The following PTPRE variants were observed in gnomAD, a reference collection of about 807,000 sequenced individuals.
The protein encoded by PTPRE is protein tyrosine phosphatase receptor type E, also known as receptor-type tyrosine-protein phosphatase epsilon.
PTPRE carries 51 observed loss-of-function variants against 102.0 expected under a neutral mutation model. The observed-to-expected ratio is 0.50, with a 90% CI of 0.40 to 0.63. The LOEUF (loss-of-function observed/expected upper bound fraction) is 0.63, where lower values mean the gene tolerates loss of function less well. Ranked by LOEUF, PTPRE falls within the 30% of genes least tolerant of loss-of-function variation. The pLI is 0.00. For synonymous variants in PTPRE, 345 were observed against 348.2 expected, an observed-to-expected ratio of 0.99 and a Z score of 0.10; for missense variants, 752 against 915.1, an observed-to-expected ratio of 0.82 and a Z score of 2.30.
chr10:127,929,397 CTG>C (rs1280980736), intron 1 of PTPRE: 2 of 152,114 alleles, frequency 1.3e-5, no homozygotes, highest in Non-Finnish European at 2.9e-5. Flanking sequence ...GTAGGTAAAA[CTG>C]ATTTATTTTT....
chr10:128,052,897 G>C (rs917932827), intron 6 of PTPRE, among the ~76,000 whole-genome samples: 1 of 152,160 alleles, frequency 6.6e-6, no homozygotes, highest in African/African-American at 2.4e-5. Flanking sequence ...CTCTCCTGCT[G>C]CCTGCCCGAC....
Position 127,944,531 on chromosome 10 carries a change from AATGG to A in PTPRE, c.-31+37233_-31+37236del, listed in dbSNP as rs1280807807. ...GGATGGATGGGTGGATGGATGGATA[AATGG>A]ATGGATGGATAAGTGGATGGATGGA... is the stretch of plus-strand genomic sequence containing the variant. On this transcript the variant is annotated intron_variant, in intron 1 of 20. Transcript: ENST00000254667. The surrounding 1 kb of genome is among the most constrained non-coding windows in gnomAD (Gnocchi z 4.2). 3.2e-5 allele frequency among the ~76,000 whole-genome samples: 1 copy of A among 31,690 alleles called. No homozygotes were observed. Among genetic ancestry groups the A allele is most frequent in the East Asian group, 5.6e-4 (1 of 1,770 alleles). 20.8% of individuals were successfully genotyped at this position (31,690 alleles called of 152,430 possible).
At chr10:128,002,153 G>T (rs866403036) in intron 2 of PTPRE, among the ~76,000 whole-genome samples, 15 of 152,318 alleles carry the variant, frequency 9.8e-5, no homozygotes, top group South Asian at 6.2e-4. Context: ...CGCCCCCGCT[G>T]ACAGCCAGAG....
Position 128,070,969 on chromosome 10 carries a change from A to G in PTPRE, c.1387+68A>G, listed in dbSNP as rs10829325. 534,518 of 1,492,604 alleles carry G rather than the reference A, an allele frequency of 0.36. 98,691 individuals are homozygous for G. The highest frequency in any genetic ancestry group is 0.51 in the Admixed American group (29,171 of 56,950). The allele number at this position is 1,492,604 out of a possible 1,614,324, so 92.5% of individuals were successfully genotyped here. On this transcript the variant is annotated intron_variant, in intron 15 of 20. Transcript: ENST00000254667. The surrounding 1 kb of genome is among the most constrained non-coding windows in gnomAD (Gnocchi z 4.8). ...CTGGTGCCGGAGGCTTTCATCCTGG[A>G]GAAGCCATTGACCGCTTACCCCTGT...
At chr10:128,061,113 T>C in intron 8 of PTPRE, 98 bp downstream of exon 8, 2 of 1,229,604 alleles carry the variant, frequency 1.6e-6, no homozygotes, top group South Asian at 2.5e-5. Flanking sequence ...GTCACAACCT[T>C]TCTGGGCAGT....
At position 128,070,558 on chromosome 10, in the gene PTPRE, G is replaced by T; in HGVS notation, c.1293+108G>T. The T allele has an allele frequency of 7.1e-7, 1 of 1,414,616 alleles. No homozygotes were observed. The highest frequency in any genetic ancestry group is 1.4e-5 in the South Asian group (1 of 70,296). 87.6% of individuals were successfully genotyped at this position (1,414,616 alleles called of 1,614,324 possible). A position where few individuals can be genotyped will look rare whatever the true frequency, so the allele number is the denominator to read the frequency against. On this transcript the variant is annotated intron_variant, in intron 14 of 20. Coordinates refer to ENST00000254667, the MANE Select transcript of PTPRE (RefSeq NM_006504.6). The surrounding 1 kb of genome is among the most constrained non-coding windows in gnomAD (Gnocchi z 4.8). ...TCTTTCAATCACTTGCCCCTTAACTGACCTCAGAAAAAGCAGGGGCAATAC... is the reference window on the plus strand; with the variant it reads ...TCTTTCAATCACTTGCCCCTTAACTTACCTCAGAAAAAGCAGGGGCAATAC...
At position 128,008,187 on chromosome 10, in the gene PTPRE, A is replaced by ATC. The variant is rs1392306929; in HGVS notation, c.-8+25895_-8+25896dup. Among the ~76,000 whole-genome samples the ATC allele has an allele frequency of 1.3e-5, 2 of 152,076 alleles. No individual in the cohort carries two copies. Among genetic ancestry groups the ATC allele is most frequent in the Non-Finnish European group, 2.9e-5 (2 of 68,004 alleles). ...GCCCAAGGGAAACAGTGCATCCACC[A>ATC]TCTCTGTCTGCAGCCCCGCTGGCTC... On this transcript the variant is annotated intron_variant, in intron 2 of 20. Coordinates refer to ENST00000254667, the MANE Select transcript of PTPRE (RefSeq NM_006504.6). The surrounding 1 kb of genome is among the most constrained non-coding windows in gnomAD (Gnocchi z 4.0).
chr10:127,930,469 T>G (rs1273610846), intron 1 of PTPRE, among the ~76,000 whole-genome samples: 2 of 152,342 alleles, frequency 1.3e-5, no homozygotes, highest in Middle Eastern at 3.4e-3. Context: ...TATGGCTGAG[T>G]AGCATTCTGT....
At chr10:127,920,303 C>T (rs1035465416) in intron 1 of PTPRE, among the ~76,000 whole-genome samples, 2 of 152,196 alleles carry the variant, frequency 1.3e-5, no homozygotes, top group East Asian at 3.9e-4. Flanking sequence ...TGGGAAGGGG[C>T]AGCCCCTTGG....
At chr10:128,054,674 C>T (rs907652865) in intron 6 of PTPRE, among the ~76,000 whole-genome samples, 4 of 151,712 alleles carry the variant, frequency 2.6e-5, no homozygotes, top group Admixed American at 6.5e-5. Context: ...GGAAAGAGGG[C>T]GGCCTACGGT....
At chr10:128,066,044 C>G (rs185583321) in intron 10 of PTPRE, 31 bp from the exon 11 acceptor site, 1 of 1,614,146 alleles carries the variant, frequency 6.2e-7, no homozygotes, top group East Asian at 2.2e-5. Context: ...ACCCACAGAT[C>G]TATTTGCTTC....
intron 1 of PTPRE, among the ~76,000 whole-genome samples, chr10:127,981,198 A>G (rs1851581381): frequency 6.6e-6 from 1 of 152,240 alleles, no homozygotes; most frequent in Admixed American, 6.5e-5. Flanking sequence ...TAAGTGAAAG[A>G]ACCCAGTCAC....
At chr10:127,930,235 C>A (rs560735548) in intron 1 of PTPRE, among the ~76,000 whole-genome samples, 1 of 152,126 alleles carries the variant, frequency 6.6e-6, no homozygotes, top group East Asian at 1.9e-4. Context: ...CATTTTACCA[C>A]CCTGCCCCCG....
At chr10:128,031,034 G>A (rs758806999) in intron 2 of PTPRE, among the ~76,000 whole-genome samples, 1 of 152,230 alleles carries the variant, frequency 6.6e-6, no homozygotes, top group Non-Finnish European at 1.5e-5. Context: ...GGGAGGAGGG[G>A]CCAAGGGCAG....
rs139154436 is a variant in PTPRE, at chr10:128,068,290, C to A, written c.1007+4C>A. On this transcript the variant is annotated splice_donor_region_variant and intron_variant, in intron 12 of 20. Coordinates refer to ENST00000254667, the MANE Select transcript of PTPRE (RefSeq NM_006504.6). ...GGCCCATCGTGGTCCACTGTAGGTACGCTGTGGGGGCCACGGGGCGGGACC... is the reference window on the plus strand; with the variant it reads ...GGCCCATCGTGGTCCACTGTAGGTAAGCTGTGGGGGCCACGGGGCGGGACC... 1.9e-5 allele frequency: 30 copies of A among 1,609,720 alleles called. No homozygotes were observed. Among genetic ancestry groups the A allele is most frequent in the Non-Finnish European group, 2.5e-5 (29 of 1,177,180 alleles).
intron 2 of PTPRE, among the ~76,000 whole-genome samples, chr10:128,010,008 C>T (rs1844849262): frequency 6.6e-6 from 1 of 152,042 alleles, no homozygotes; most frequent in Non-Finnish European, 1.5e-5. Flanking sequence ...CACAGGGGCA[C>T]GTGGTCACCC....
At chr10:128,038,244 T>C (rs1251514490) in intron 2 of PTPRE, among the ~76,000 whole-genome samples, 1 of 152,164 alleles carries the variant, frequency 6.6e-6, no homozygotes, top group Non-Finnish European at 1.5e-5. Flanking sequence ...TGGAAGTTAG[T>C]GTGGTGATTC....
chr10:127,983,776 G>A (rs914499126), intron 2 of PTPRE, among the ~76,000 whole-genome samples: 6 of 152,058 alleles, frequency 3.9e-5, no homozygotes, highest in Non-Finnish European at 8.8e-5. Flanking sequence ...GCCTTCTGCC[G>A]CTTCCAAAAT....
chr10:128,037,403 C>T (rs1049188660), intron 2 of PTPRE, among the ~76,000 whole-genome samples: 6 of 152,178 alleles, frequency 3.9e-5, no homozygotes, highest in Admixed American at 3.9e-4. Context: ...AATCATTGCT[C>T]CCTCACCTTT....
Sources: gnomAD v4.1 joint callset for allele counts (sites outside exome capture counted in the v4.1 genomes callset) on GRCh38, gnomAD v4.1.1 for gene constraint, Gnocchi (gnomAD v3.1) non-coding constraint, MANE v1.5 for transcripts, NCBI Gene and HGNC (gene_info 2026-07-23, HGNC 2026-07-21) for gene names.